LAMA4: variants seen among roughly 807,000 people sequenced by gnomAD.
The protein encoded by LAMA4 is laminin subunit alpha 4.
Under a neutral mutation model 207.1 loss-of-function variants are expected in LAMA4, and 127 were observed. That is an observed-to-expected ratio of 0.61 (90% CI 0.53 to 0.71). LAMA4 has a LOEUF of 0.71. LAMA4 is among the 30% of genes least tolerant of loss of function. The pLI is 0.00. For missense variants in LAMA4, 2,093 were observed against 2,246.5 expected, an observed-to-expected ratio of 0.93 and a Z score of 1.38; for synonymous variants, 761 against 816.0, an observed-to-expected ratio of 0.93 and a Z score of 1.15.
intron 2 of LAMA4, among the ~76,000 whole-genome samples, chr6:112,245,060 T>G (rs972031620): frequency 3.5e-4 from 53 of 152,162 alleles, no homozygotes; most frequent in Non-Finnish European, 1.0e-4. Context: ...AGCAGGCATT[T>G]AACACCTCAT....
At chr6:112,114,330 A>G (rs1169537754) in intron 37 of LAMA4, 135 bp from the exon 38 acceptor site, 5 of 856,944 alleles carry the variant, frequency 5.8e-6, no homozygotes, top group Non-Finnish European at 9.4e-6. Flanking sequence ...TATTATTAAA[A>G]TCATCAATGA....
intron 3 of LAMA4, among the ~76,000 whole-genome samples, chr6:112,207,857 C>T (rs556588332): frequency 6.6e-6 from 1 of 152,284 alleles, no homozygotes; most frequent in Admixed American, 6.5e-5. Flanking sequence ...CATCCTAATT[C>T]TCCCTTTCAG....
At chr6:112,240,380 A>G (rs1786322872) in intron 2 of LAMA4, among the ~76,000 whole-genome samples, 1 of 152,150 alleles carries the variant, frequency 6.6e-6, no homozygotes, top group Non-Finnish European at 1.5e-5. Flanking sequence ...CCATCCCCTC[A>G]TTTATCCTTT....
At chr6:112,200,888 G>T (rs950252450) in intron 5 of LAMA4, among the ~76,000 whole-genome samples, 1 of 152,080 alleles carries the variant, frequency 6.6e-6, no homozygotes, top group African/African-American at 2.4e-5. Flanking sequence ...GTCAGTGGGT[G>T]GGGGGCAAGG....
rs59700559 is a variant in LAMA4, at chr6:112,130,300, T to TGTGTGTGTGTGTGTGTGTGTG, written c.3969-261_3969-260insCACACACACACACACACACAC. ...AGATGACTAGTCATCAGCATTATTT[T>TGTGTGTGTGTGTGTGTGTGTG]TGTGTGTGTGTGTGTGTGTGTGTGT... is the stretch of plus-strand genomic sequence containing the variant. On this transcript the variant is annotated intron_variant, in intron 29 of 38. Transcript: ENST00000230538. The TGTGTGTGTGTGTGTGTGTGTG allele has an allele frequency of 3.2e-4, 121 of 382,230 alleles. 1 individual carries two copies. Among genetic ancestry groups the TGTGTGTGTGTGTGTGTGTGTG allele is most frequent in the African/African-American group, 2.5e-3 (119 of 46,786 alleles). The allele number at this position is 382,230 out of a possible 1,614,324, so 23.7% of individuals were successfully genotyped here. A position where few individuals can be genotyped will look rare whatever the true frequency, so the allele number is the denominator to read the frequency against.
At position 112,154,881 on chromosome 6, in the gene LAMA4, C is replaced by A. The variant is rs397516721; in HGVS notation, c.2026G>T (p.Ala676Ser). 1 of 1,612,888 alleles carries A rather than the reference C, an allele frequency of 6.2e-7. No individual in the cohort carries two copies. The highest frequency in any genetic ancestry group is 1.7e-5 in the Admixed American group (1 of 60,016). Residue 676 changes from alanine (A) to serine (S), a missense_variant, in exon 16 of 39, where the codon GCC becomes TCC. By Grantham distance (99) the Ala-to-Ser change is moderately conservative. Coordinates refer to ENST00000230538, the MANE Select transcript of LAMA4 (RefSeq NM_001105206.3). ...KDESENLLNQ[A>S]RELQAKAESS... ...TCTGCCTTTGCTTGCAGTTCTCTGG[C>A]TTGATTGAGGAGGTTCTCACTTTCA...
Position 112,201,647 on chromosome 6 carries a change from C to T in LAMA4, c.464G>A (p.Cys155Tyr), listed in dbSNP as rs1554352466. The T allele has an allele frequency of 6.2e-7, 1 of 1,613,954 alleles. No individual in the cohort carries two copies. The highest frequency in any genetic ancestry group is 8.5e-7 in the Non-Finnish European group (1 of 1,179,870). Reference protein sequence around the residue: ...SCYRKNGAVRCICNENYAGPN... With the variant: ...SCYRKNGAVRYICNENYAGPN... ...TCCAGCATAATTTTCGTTACAAATG[C>T]ACCGAACAGCTCCATTTTTCCTATA... The change falls in exon 5 of 39, where the codon TGC becomes TAC. Residue 155 changes from cysteine (C) to tyrosine (Y), a missense_variant. Coordinates refer to ENST00000230538, the MANE Select transcript of LAMA4 (RefSeq NM_001105206.3).
chr6:112,129,472 G>C (rs9320393), intron 30 of LAMA4, among the ~76,000 whole-genome samples: 118,094 of 152,032 alleles, frequency 0.78, 46,304 homozygotes, highest in East Asian at 0.86. Flanking sequence ...TAAATTAAGA[G>C]TTTTGTAAAC....
At chr6:112,205,713 C>A (rs1554353961) in intron 4 of LAMA4, among the ~76,000 whole-genome samples, 1 of 152,070 alleles carries the variant, frequency 6.6e-6, no homozygotes, top group African/African-American at 2.4e-5. Context: ...TCACAGTGGA[C>A]CCCTGGATAC....
At chr6:112,136,330 T>C in intron 24 of LAMA4, 76 bp from the exon 25 acceptor site, 1 of 1,137,602 alleles carries the variant, frequency 8.8e-7, no homozygotes, top group Non-Finnish European at 1.3e-6. Context: ...ATTTGAGAAA[T>C]AAGACTGTAT....
In LAMA4 at chr6:112,120,585, A is replaced by G; in HGVS notation, c.4476-113T>C. 6.3e-6 allele frequency: 5 copies of G among 794,980 alleles called. No homozygotes were observed. The South Asian group carries it at 7.7e-5, about 12-fold the overall frequency. 49.2% of individuals were successfully genotyped at this position (794,980 alleles called of 1,614,324 possible). ...AATAAACAAGTAGCCATTCTATCTA[A>G]TCCCAAGCAACATTATTCCACACTT... On this transcript the variant is annotated intron_variant, in intron 32 of 38. Transcript: ENST00000230538.
chr6:112,188,516 T>C (rs1442339048), intron 7 of LAMA4, among the ~76,000 whole-genome samples: 1 of 152,164 alleles, frequency 6.6e-6, no homozygotes, highest in African/African-American at 2.4e-5. Flanking sequence ...CCAAGATACA[T>C]CTGTTTGGGG....
chr6:112,191,921 A>G (rs1783144623), intron 5 of LAMA4, 71 bp from the exon 6 acceptor site: 1 of 1,171,070 alleles, frequency 8.5e-7, no homozygotes, highest in Non-Finnish European at 1.3e-6. Flanking sequence ...TCTTTCCTAC[A>G]AAGAAGAAAG....
intron 6 of LAMA4, among the ~76,000 whole-genome samples, chr6:112,190,263 T>C (rs1782937671): frequency 6.6e-6 from 1 of 152,254 alleles, no homozygotes; most frequent in Admixed American, 6.5e-5. Flanking sequence ...ACATTATTTC[T>C]GCTGTCCGCC....
At chr6:112,158,925 T>A (rs1158911053) in intron 13 of LAMA4, 45 bp from the exon 14 acceptor site, 1 of 1,360,824 alleles carries the variant, frequency 7.3e-7, no homozygotes, top group Middle Eastern at 1.8e-4. Flanking sequence ...TAGAAGAACT[T>A]AAAACATTTT....
intron 6 of LAMA4, among the ~76,000 whole-genome samples, chr6:112,189,542 C>G (rs1348638112): frequency 6.6e-6 from 1 of 152,078 alleles, no homozygotes; most frequent in African/African-American, 2.4e-5. Context: ...ACTAAATGAC[C>G]ACGAGCTCAT....
intron 26 of LAMA4, 146 bp downstream of exon 26, chr6:112,134,321 G>T: frequency 1.4e-6 from 1 of 726,056 alleles, no homozygotes; most frequent in East Asian, 2.7e-5. Flanking sequence ...CAGAGGGCCT[G>T]AAGGTACATG....
At chr6:112,192,639 C>A (rs144590333) in intron 5 of LAMA4, among the ~76,000 whole-genome samples, 2,088 of 152,308 alleles carry the variant, frequency 0.014, 32 homozygotes, top group Middle Eastern at 0.051. Flanking sequence ...CTGGCTGGGC[C>A]TTTGATGAGA....
intron 18 of LAMA4, among the ~76,000 whole-genome samples, chr6:112,146,364 T>A (rs1780029687): frequency 1.3e-5 from 2 of 151,946 alleles, no homozygotes; most frequent in Admixed American, 1.3e-4. Flanking sequence ...GGCATAAATT[T>A]TTCCAGAGTT....
Sources: allele counts gnomAD v4.1 joint callset (sites outside exome capture counted in the v4.1 genomes callset), GRCh38; gene constraint gnomAD v4.1.1; transcripts MANE v1.5; gene names NCBI Gene and HGNC (gene_info 2026-07-23, HGNC 2026-07-21).